The following MYH7B variants were observed in gnomAD, a reference collection of about 807,000 sequenced individuals.
MYH7B encodes the protein myosin heavy chain 7B, also known as myosin-7B.
In MYH7B, 205 loss-of-function variants were observed where a neutral mutation model predicts 234.5. The observed-to-expected ratio is 0.87, with a 90% CI of 0.78 to 0.98. The LOEUF (loss-of-function observed/expected upper bound fraction) is 0.98, where lower values mean the gene tolerates loss of function less well. MYH7B is among the 50% of genes least tolerant of loss of function. The pLI, the probability that MYH7B is intolerant of heterozygous loss-of-function variation, is 0.00. For synonymous variants in MYH7B, 1,193 were observed against 1,105.0 expected (o/e 1.08, Z -1.58); for missense variants, 2,652 against 2,633.4 (o/e 1.01, Z -0.15).
At chr20:34,983,705 C>T (rs901033128) in intron 10 of MYH7B, among the ~76,000 whole-genome samples, 23 of 152,312 alleles carry the variant, frequency 1.5e-4, no homozygotes, top group South Asian at 1.0e-3. Context: ...TTTGGCCAAA[C>T]GGGCTAGAGA....
At chr20:34,992,780 C>T (rs1005975722) in intron 24 of MYH7B, among the ~76,000 whole-genome samples, 7 of 152,204 alleles carry the variant, frequency 4.6e-5, no homozygotes, top group South Asian at 2.1e-4. Context: ...ATGTTGCCCA[C>T]GCTGGTCTTG....
chr20:34,979,501 C>T lies in MYH7B; in HGVS notation c.198+5C>T, dbSNP rs771318265. 11 of 1,610,302 alleles carry T rather than the reference C, an allele frequency of 6.8e-6. No individual in the cohort carries two copies. Among genetic ancestry groups the T allele is most frequent in the Middle Eastern group, 3.3e-4 (2 of 6,040 alleles). ...GTGGAGACCAAAGACCAGAAGGTTC[C>T]GTTCCCCCTTTCCTGAGATTAGCCT... On this transcript the variant is annotated splice_donor_5th_base_variant and intron_variant, in intron 6 of 44. Transcript: ENST00000262873.
At chr20:34,960,499 T>C (rs894926230) in intron 2 of MYH7B, among the ~76,000 whole-genome samples, 9 of 152,234 alleles carry the variant, frequency 5.9e-5, no homozygotes, top group African/African-American at 2.2e-4. Flanking sequence ...CCTCCCAAAG[T>C]GCTGGGATTA....
intron 5 of MYH7B, 108 bp downstream of exon 5, chr20:34,978,204 G>C: frequency 1.5e-6 from 2 of 1,341,580 alleles, no homozygotes; most frequent in South Asian, 2.6e-5. Flanking sequence ...GGGCATTGGG[G>C]CCTGACAGCT....
rs1313190933 is a variant in MYH7B at position 35,002,287 on chromosome 20, G to GCCTT, written c.*101_*104dup. ...TGCCATCTCTGCATCGCCCCCTGCT[G>GCCTT]CCTTCAGCCTTCCCTGGGCCCTGAA... On this transcript the variant is annotated 3_prime_UTR_variant, in exon 45 of 45. Coordinates refer to ENST00000262873, the Ensembl canonical transcript of MYH7B. 118 of 1,367,842 alleles carry GCCTT rather than the reference G, an allele frequency of 8.6e-5. 1 individual carries two copies. The highest frequency in any genetic ancestry group is 4.7e-4 in the South Asian group (32 of 68,378). 84.7% of individuals were successfully genotyped at this position (1,367,842 alleles called of 1,614,324 possible).
chr20:34,990,759 A>T, exon 23 of MYH7B: 1 of 1,613,998 alleles, frequency 6.2e-7, no homozygotes, highest in Non-Finnish European at 8.5e-7. Flanking sequence ...CAAGCTGATG[A>T]CCAACCTGCG....
rs1485592773 is a variant in MYH7B at position 34,987,850 on chromosome 20, A to G, written c.1352A>G (p.Asp451Gly). Residue 451 changes from aspartate to glycine, a missense_variant, in exon 18 of 45, where the codon GAC becomes GGC. By Grantham distance (94) the Asp-to-Gly change is moderately conservative (BLOSUM62 -1). This residue lies in a region of MYH7B where 2,279 missense variants were observed against 2,211.4 expected (regional missense o/e 1.03). Transcript: ENST00000262873. ...GTGTCTCGGATCAACCAGACCCTGGACACAAAGCTGCCCCGGCAGTTCTTC... is the reference window on the plus strand; with the variant it reads ...GTGTCTCGGATCAACCAGACCCTGGGCACAAAGCTGCCCCGGCAGTTCTTC... The G allele has an allele frequency of 3.1e-6, 5 of 1,613,222 alleles. No individual in the cohort carries two copies. In the East Asian group the frequency reaches 1.1e-4, roughly 36 times the overall value.
At chr20:34,984,986 G>C (rs1053599424) in intron 12 of MYH7B, 40 bp downstream of exon 12, 3 of 1,608,502 alleles carry the variant, frequency 1.9e-6, no homozygotes, top group Non-Finnish European at 2.6e-6. Flanking sequence ...GGATGCCGTA[G>C]GCCACCAGCG....
chr20:34,999,328 T>C, exon 36 of MYH7B: 3 of 1,568,364 alleles, frequency 1.9e-6, no homozygotes, highest in Non-Finnish European at 2.6e-6. Context: ...GGCACCGAGC[T>C]CTTCCGGCTG....
At chr20:34,993,351 G>C (rs1304684027) in exon 26 of MYH7B, 6 of 1,614,034 alleles carry the variant, frequency 3.7e-6, no homozygotes, top group Non-Finnish European at 5.1e-6. Flanking sequence ...TCAAGGCTGG[G>C]CTTCTAGGCG....
intron 7 of MYH7B, chr20:34,980,353 A>T: frequency 2.1e-6 from 1 of 469,074 alleles, no homozygotes; most frequent in Non-Finnish European, 3.9e-6. Context: ...GTTCGAGACC[A>T]GCCTGGCCAA....
At chr20:34,980,830 C>G (rs1265013305) in intron 8 of MYH7B, 96 bp downstream of exon 8, 19 of 1,541,524 alleles carry the variant, frequency 1.2e-5, no homozygotes, top group Non-Finnish European at 1.7e-5. Context: ...GCACTGCCCC[C>G]CTTTTGACGC....
At chr20:34,981,180 T>C in intron 9 of MYH7B, 120 bp downstream of exon 9, 1 of 1,250,640 alleles carries the variant, frequency 8.0e-7, no homozygotes, top group South Asian at 1.3e-5. Flanking sequence ...TTTTACCACC[T>C]GGAGCTAGTG....
chr20:34,985,556 C>T (rs1490762133), intron 13 of MYH7B, among the ~76,000 whole-genome samples: 1 of 138,986 alleles, frequency 7.2e-6, no homozygotes, highest in Non-Finnish European at 1.5e-5. Context: ...CCCATCCTTC[C>T]AGGCACCCCG....
rs555599428 is a variant in MYH7B, at chr20:35,001,540, G to C, written c.5676+14G>C. On this transcript the variant is annotated intron_variant, in intron 43 of 44. Transcript: ENST00000262873. ...TTTGAGGAGGCGGTGAGTGCGCTGG[G>C]GCCTGGACACCTGGACCGGGCACCC... The C allele has an allele frequency of 6.3e-7, 1 of 1,591,384 alleles. No homozygotes were observed. Among genetic ancestry groups the C allele is most frequent in the East Asian group, 2.3e-5 (1 of 43,410 alleles).
In MYH7B at chr20:34,990,473, C is replaced by T. The variant is rs7267163; in HGVS notation, c.1977+163C>T. 11,701 of 929,684 alleles carry T rather than the reference C, an allele frequency of 0.013. 745 individuals carry two copies. In the African/African-American group the frequency reaches 0.15, roughly 12 times the overall value. The allele number at this position is 929,684 out of a possible 1,614,324, so 57.6% of individuals were successfully genotyped here. The stretch of plus-strand genomic sequence containing the variant: ...ATCACAGCAAGTCTGTGCTGCTTCC[C>T]GTCCCTACGCTGCCTGGGCAGGGTT... On this transcript the variant is annotated intron_variant, in intron 22 of 44. Coordinates refer to ENST00000262873, the Ensembl canonical transcript of MYH7B.
chr20:34,966,928 A>AT (rs199627255), intron 2 of MYH7B, among the ~76,000 whole-genome samples: 84 of 150,568 alleles, frequency 5.6e-4, no homozygotes, highest in Non-Finnish European at 1.1e-3. Context: ...GTCTTTAAAA[A>AT]TTTTTTTTTT....
intron 39 of MYH7B, 21 bp downstream of exon 39, chr20:35,000,710 G>A (rs376086515): frequency 8.7e-6 from 14 of 1,601,216 alleles, no homozygotes; most frequent in Non-Finnish European, 1.2e-5. Flanking sequence ...GAGTCCCTGG[G>A]GACAGAGCAG....
exon 36 of MYH7B, chr20:34,999,119 C>T: frequency 1.9e-6 from 3 of 1,613,574 alleles, no homozygotes; most frequent in Non-Finnish European, 1.7e-6. Context: ...ACGCCAAGTG[C>T]TCATCGTTGG....
Sources: allele counts gnomAD v4.1 joint callset (sites outside exome capture counted in the v4.1 genomes callset), GRCh38; gene constraint gnomAD v4.1.1; regional missense constraint gnomAD v4.1.1; transcripts MANE v1.5; gene names NCBI Gene and HGNC (gene_info 2026-07-23, HGNC 2026-07-21).